NAALADL2: variants seen among roughly 807,000 people sequenced by gnomAD.
NAALADL2 encodes the protein inactive N-acetylated-alpha-linked acidic dipeptidase-like protein 2.
NAALADL2 carries 76 observed loss-of-function variants against 87.2 expected under a neutral mutation model. The observed-to-expected ratio is 0.87, with a 90% confidence interval of 0.72 to 1.05. The LOEUF is 1.05. Ranked by LOEUF, NAALADL2 falls within the 50% of genes least tolerant of loss-of-function variation. NAALADL2 has a pLI of 0.00. For missense variants in NAALADL2, 1,089 were observed against 945.8 expected, an observed-to-expected ratio of 1.15 and a Z score of -1.99; for synonymous variants, 354 against 331.0, an observed-to-expected ratio of 1.07 and a Z score of -0.75.
intron 1 of NAALADL2, among the ~76,000 whole-genome samples, chr3:174,934,533 C>T (rs1180642988): frequency 2.0e-5 from 3 of 151,616 alleles, no homozygotes; most frequent in Non-Finnish European, 2.9e-5. Flanking sequence ...AACCATGTGC[C>T]GAGCGCGGTG....
intron 3 of NAALADL2, among the ~76,000 whole-genome samples, chr3:174,842,781 T>TTGTG (rs369170719): frequency 6.6e-6 from 1 of 151,372 alleles, no homozygotes; most frequent in South Asian, 2.1e-4. Flanking sequence ...ACACCTGTTT[T>TTGTG]TGTGTGTGTG....
intron 10 of NAALADL2, among the ~76,000 whole-genome samples, chr3:175,608,291 A>C (rs2149664530): frequency 6.7e-6 from 1 of 150,274 alleles, no homozygotes; most frequent in Non-Finnish European, 1.5e-5. Flanking sequence ...TCAAAACATC[A>C]TTTTTATTAA....
chr3:175,245,783 C>T (rs758565132), intron 3 of NAALADL2, among the ~76,000 whole-genome samples: 2 of 152,174 alleles, frequency 1.3e-5, no homozygotes, highest in Non-Finnish European at 2.9e-5. Flanking sequence ...TGCAGGAATG[C>T]ACCAGTCTAG....
intron 1 of NAALADL2, among the ~76,000 whole-genome samples, chr3:174,984,019 A>G (rs1305974275): frequency 6.6e-6 from 1 of 152,304 alleles, no homozygotes; most frequent in East Asian, 1.9e-4. Flanking sequence ...ATTCTCATCC[A>G]TGTCTGCATC....
intron 10 of NAALADL2, among the ~76,000 whole-genome samples, chr3:175,579,301 T>G (rs531241727): frequency 6.6e-6 from 1 of 152,010 alleles, no homozygotes; most frequent in African/African-American, 2.4e-5. Flanking sequence ...AGGTGAAAAA[T>G]TGAACTGTAG....
At chr3:174,772,224 T>C (rs554273653) in intron 3 of NAALADL2, among the ~76,000 whole-genome samples, 1 of 152,320 alleles carries the variant, frequency 6.6e-6, no homozygotes, top group Admixed American at 6.5e-5. Flanking sequence ...AGGATGCTAC[T>C]CTCTGTTTCT....
rs150189373 is a variant in NAALADL2 at position 175,708,671 on chromosome 3, A to G, written c.1897-28635A>G. ...TTAAAAACCCTGACTAAAATTTCTC[A>G]TCATTATTTCTTATGGTTCTTTAGA... On this transcript the variant is annotated intron_variant, in intron 11 of 13. Coordinates refer to ENST00000454872, the MANE Select transcript of NAALADL2 (RefSeq NM_207015.3). 2.0e-3 allele frequency among the ~76,000 whole-genome samples: 307 copies of G among 152,016 alleles called. 1 individual carries two copies. Among genetic ancestry groups the G allele is most frequent in the African/African-American group, 7.1e-3 (293 of 41,510 alleles).
chr3:175,097,593 G>T (rs1440611255), intron 2 of NAALADL2, among the ~76,000 whole-genome samples: 1 of 152,016 alleles, frequency 6.6e-6, no homozygotes, highest in Non-Finnish European at 1.5e-5. Context: ...GCCAAATTGG[G>T]ATGCAAAGAT....
intron 2 of NAALADL2, among the ~76,000 whole-genome samples, chr3:174,694,572 T>C (rs1728859681): frequency 6.6e-6 from 1 of 152,042 alleles, no homozygotes; most frequent in Non-Finnish European, 1.5e-5. Flanking sequence ...TTGTTATTGA[T>C]ACAAATGAAG....
intron 1 of NAALADL2, among the ~76,000 whole-genome samples, chr3:175,033,076 G>GT (rs1752980932): frequency 6.6e-6 from 1 of 151,812 alleles, no homozygotes; most frequent in African/African-American, 2.4e-5. Flanking sequence ...CACATCTTTT[G>GT]TTCCTCAAAG....
intron 5 of NAALADL2, among the ~76,000 whole-genome samples, chr3:175,390,843 T>C (rs1338841281): frequency 6.6e-6 from 1 of 152,184 alleles, no homozygotes; most frequent in Admixed American, 6.5e-5. Context: ...ATAATCTGTA[T>C]GCCAAGCAGA....
chr3:174,626,923 A>G (rs973007715), intron 2 of NAALADL2, among the ~76,000 whole-genome samples: 2 of 152,106 alleles, frequency 1.3e-5, no homozygotes, highest in African/African-American at 4.8e-5. Flanking sequence ...TTAAAAATAC[A>G]TATTATTAAA....
chr3:174,602,484 T>C (rs635760), intron 2 of NAALADL2, among the ~76,000 whole-genome samples: 1 of 151,972 alleles, frequency 6.6e-6, no homozygotes, highest in South Asian at 2.1e-4. Context: ...TTTACTGAAT[T>C]TGTTTATCAA....
At chr3:174,768,930 A>G (rs1448740672) in intron 3 of NAALADL2, among the ~76,000 whole-genome samples, 1 of 152,010 alleles carries the variant, frequency 6.6e-6, no homozygotes, top group African/African-American at 2.4e-5. Context: ...TTAATAAGTT[A>G]ATATAGTATG....
At chr3:175,483,482 T>C (rs781777159) in intron 9 of NAALADL2, among the ~76,000 whole-genome samples, 1 of 151,998 alleles carries the variant, frequency 6.6e-6, no homozygotes, top group African/African-American at 2.4e-5. Context: ...TGTCTCCTAA[T>C]CTATCATTTA....
chr3:175,044,930 A>ATT (rs5854607), intron 1 of NAALADL2, among the ~76,000 whole-genome samples: 87 of 143,888 alleles, frequency 6.0e-4, no homozygotes, highest in African/African-American at 2.1e-3. Flanking sequence ...GCAATTTCTG[A>ATT]TTTTTTTTTT....
intron 12 of NAALADL2, among the ~76,000 whole-genome samples, chr3:175,748,280 T>C (rs190740708): frequency 1.6e-4 from 25 of 152,350 alleles, no homozygotes; most frequent in Admixed American, 1.1e-3. Flanking sequence ...TTGTGATTCA[T>C]ACTAAAAAAA....
At chr3:175,695,618 A>G (rs1737670111) in intron 11 of NAALADL2, among the ~76,000 whole-genome samples, 1 of 152,150 alleles carries the variant, frequency 6.6e-6, no homozygotes, top group Admixed American at 6.6e-5. Context: ...TTTAGTATCA[A>G]GGCTACTATA....
chr3:174,708,533 T>C (rs1049851318), intron 2 of NAALADL2, among the ~76,000 whole-genome samples: 1 of 152,206 alleles, frequency 6.6e-6, no homozygotes, highest in Non-Finnish European at 1.5e-5. Context: ...GGGACCATTA[T>C]GTTTGTGAAC....
Sources: allele counts gnomAD v4.1 joint callset (sites outside exome capture counted in the v4.1 genomes callset), GRCh38; gene constraint gnomAD v4.1.1; transcripts MANE v1.5; gene names NCBI Gene and HGNC (gene_info 2026-07-23, HGNC 2026-07-21).